Variants in SV2C observed in about 807,000 individuals in gnomAD.
The protein encoded by SV2C is solute carrier family 22 member B3.
A neutral mutation model predicts 79.7 loss-of-function variants in SV2C; 49 were observed. The observed-to-expected ratio is 0.61, with a 90% CI of 0.49 to 0.78. The LOEUF is 0.78. Ranked by LOEUF, SV2C falls within the 30% of genes least tolerant of loss-of-function variation. The probability of loss-of-function intolerance (pLI) is 0.00; values close to 1 mark genes in which losing one functional copy is unlikely to be tolerated. For missense variants in SV2C, 833 were observed against 912.9 expected (o/e 0.91, Z 1.13); for synonymous variants, 334 against 333.2 (o/e 1.00, Z -0.03).
At chr5:76,071,263 G>A in the SV2C span, among the ~76,000 whole-genome samples, 12 of 152,304 alleles carry the variant, frequency 7.9e-5, no homozygotes, top group South Asian at 2.5e-3. Context: ...AGTCATAAAA[G>A]TGTGATTTGC....
the SV2C span, among the ~76,000 whole-genome samples, chr5:75,978,904 C>G: frequency 3.3e-5 from 5 of 151,964 alleles, no homozygotes; most frequent in African/African-American, 1.2e-4. Context: ...ATTGCTTGAG[C>G]CTGGGAGGCA....
At chr5:75,988,139 A>G in the SV2C span, among the ~76,000 whole-genome samples, 185 of 152,152 alleles carry the variant, frequency 1.2e-3, 1 homozygote, top group Admixed American at 4.5e-3. Flanking sequence ...ACACACATAT[A>G]CATTTAAGAT....
the SV2C span, among the ~76,000 whole-genome samples, chr5:76,007,848 A>T: frequency 6.6e-6 from 1 of 152,160 alleles, no homozygotes; most frequent in Non-Finnish European, 1.5e-5. Context: ...GCAATACTTC[A>T]GAGCATAACT....
intron 1 of SV2C, among the ~76,000 whole-genome samples, chr5:76,130,561 AC>A (rs1748854308): frequency 6.6e-6 from 1 of 152,158 alleles, no homozygotes; most frequent in Non-Finnish European, 1.5e-5. Context: ...GGGGAGAAAG[AC>A]TTTTTTAACC....
At chr5:76,313,082 G>A (rs1304417535) in intron 12 of SV2C, among the ~76,000 whole-genome samples, 1 of 152,156 alleles carries the variant, frequency 6.6e-6, no homozygotes, top group Non-Finnish European at 1.5e-5. Context: ...GATTGTTTGA[G>A]ATTTAAATGA....
At chr5:76,002,081 A>G in the SV2C span, among the ~76,000 whole-genome samples, 1 of 152,164 alleles carries the variant, frequency 6.6e-6, no homozygotes, top group Non-Finnish European at 1.5e-5. Context: ...AACTTCACTT[A>G]GAAGAATGGC....
chr5:76,047,379 C>T, the SV2C span, among the ~76,000 whole-genome samples: 1 of 152,106 alleles, frequency 6.6e-6, no homozygotes. Flanking sequence ...TTGTGTGTGG[C>T]TTATTTTATC....
At chr5:75,927,962 G>A in the SV2C span, among the ~76,000 whole-genome samples, 1 of 152,348 alleles carries the variant, frequency 6.6e-6, no homozygotes, top group East Asian at 1.9e-4. Context: ...GGTTGAGGGA[G>A]AGAAGAGTGT....
chr5:75,913,854 A>C, the SV2C span, among the ~76,000 whole-genome samples: 4 of 152,330 alleles, frequency 2.6e-5, no homozygotes, highest in East Asian at 7.7e-4. Flanking sequence ...AGTGAGGCTA[A>C]GCTATATTTC....
At chr5:75,998,644 ATGTG>A in the SV2C span, among the ~76,000 whole-genome samples, 2 of 151,574 alleles carry the variant, frequency 1.3e-5, no homozygotes, top group South Asian at 2.1e-4. Context: ...GTGAGTGTGC[ATGTG>A]TGTGTATGTG....
chr5:76,112,500 G>C (rs1051881546), intron 1 of SV2C, among the ~76,000 whole-genome samples: 17 of 152,262 alleles, frequency 1.1e-4, no homozygotes, highest in African/African-American at 4.1e-4. Context: ...CAAGGGGATG[G>C]GGGGGAGGAC....
the SV2C span, among the ~76,000 whole-genome samples, chr5:76,012,967 T>A: frequency 2.6e-5 from 4 of 152,172 alleles, no homozygotes; most frequent in South Asian, 2.1e-4. Flanking sequence ...GGTCTATATA[T>A]CTGTTTTGGT....
chr5:75,920,570 T>G, the SV2C span: 4 of 490,988 alleles, frequency 8.1e-6, no homozygotes, highest in African/African-American at 2.0e-5. Flanking sequence ...GCTGGCTGGA[T>G]TGGATCCTCT....
At chr5:75,881,171 A>G in the SV2C span, among the ~76,000 whole-genome samples, 1 of 152,176 alleles carries the variant, frequency 6.6e-6, no homozygotes, top group Non-Finnish European at 1.5e-5. Context: ...CCCCATATCC[A>G]AAACTGGGGA....
At chr5:76,231,459 T>A (rs1276445122) in intron 4 of SV2C, among the ~76,000 whole-genome samples, 1 of 151,974 alleles carries the variant, frequency 6.6e-6, no homozygotes, top group African/African-American at 2.4e-5. Context: ...TATTATACTT[T>A]AAGTTTTAGG....
the SV2C span, among the ~76,000 whole-genome samples, chr5:75,872,543 T>C: frequency 6.6e-6 from 1 of 152,018 alleles, no homozygotes; most frequent in Admixed American, 6.6e-5. Flanking sequence ...CAGAGGGGAA[T>C]TGACAAACTA....
intron 4 of SV2C, among the ~76,000 whole-genome samples, chr5:76,222,665 G>T (rs1179674820): frequency 6.6e-6 from 1 of 152,192 alleles, no homozygotes; most frequent in African/African-American, 2.4e-5. Context: ...GAGGGAAACT[G>T]GATGAAGTGT....
the SV2C span, among the ~76,000 whole-genome samples, chr5:75,938,931 G>C: frequency 6.6e-6 from 1 of 152,044 alleles, no homozygotes; most frequent in African/African-American, 2.4e-5. Flanking sequence ...ATTTGGGGGT[G>C]GTAAAGGGTG....
chr5:75,948,562 G>A, the SV2C span, among the ~76,000 whole-genome samples: 1 of 152,112 alleles, frequency 6.6e-6, no homozygotes, highest in Non-Finnish European at 1.5e-5. Context: ...TAGAGTGAAA[G>A]TCCTGGATGG....
Sources: allele counts gnomAD v4.1 joint callset (sites outside exome capture counted in the v4.1 genomes callset), GRCh38; gene constraint gnomAD v4.1.1; transcripts MANE v1.5; gene names NCBI Gene and HGNC (gene_info 2026-07-23, HGNC 2026-07-21).